Variants in PTGS1 observed in about 807,000 individuals in gnomAD.
PTGS1 encodes the protein prostaglandin G/H synthase 1.
Under a neutral mutation model 63.0 loss-of-function variants are expected in PTGS1, and 40 were observed. The observed-to-expected ratio is 0.63, with a 90% CI of 0.49 to 0.83. The LOEUF (loss-of-function observed/expected upper bound fraction) is 0.83, where lower values mean the gene tolerates loss of function less well. PTGS1 is among the 40% of genes least tolerant of loss of function. The probability of loss-of-function intolerance (pLI) is 0.00; values close to 1 mark genes in which losing one functional copy is unlikely to be tolerated. For missense variants in PTGS1, 709 were observed against 786.5 expected (o/e 0.90, Z 1.18); for synonymous variants, 298 against 301.9 (o/e 0.99, Z 0.13).
rs1214231960 is a variant in PTGS1 at position 122,394,029 on chromosome 9, G to A, written c.*1485G>A. On this transcript the variant is annotated 3_prime_UTR_variant, in exon 11 of 11. Transcript: ENST00000362012. ...CTCACACTCCAGTGGCAGACAAACA[G>A]ACCATAAATAAGGAAACGATGAAAT... is the stretch of plus-strand genomic sequence containing the variant. 6.6e-6 allele frequency: 1 copy of A among 152,280 alleles called. No individual in the cohort carries two copies. The allele number at this position is 152,280 out of a possible 1,614,324, so 9.4% of individuals were successfully genotyped here.
In PTGS1 at chr9:122,392,763, G is replaced by A; in HGVS notation, c.*219G>A. The stretch of plus-strand genomic sequence containing the variant: ...TCCTTGTTAGCCCTTCAGATTGTTA[G>A]GAGTGGTTCTCATTTGGTCTGCCAG... On this transcript the variant is annotated 3_prime_UTR_variant, in exon 11 of 11. Coordinates refer to ENST00000362012, the MANE Select transcript of PTGS1 (RefSeq NM_000962.4). 1 of 502,172 alleles carries A rather than the reference G, an allele frequency of 2.0e-6. No homozygotes were observed. Among genetic ancestry groups the A allele is most frequent in the South Asian group, 3.8e-5 (1 of 26,014 alleles). The allele number at this position is 502,172 out of a possible 1,614,324, so 31.1% of individuals were successfully genotyped here. A position where few individuals can be genotyped will look rare whatever the true frequency, so the allele number is the denominator to read the frequency against.
At chr9:122,380,209 A>G (rs1053686521) in intron 5 of PTGS1, among the ~76,000 whole-genome samples, 12 of 152,016 alleles carry the variant, frequency 7.9e-5, no homozygotes, top group African/African-American at 2.9e-4. Context: ...CACGTCTGTA[A>G]TCCCAGCACT....
chr9:122,381,129 T>C (rs934395836), intron 5 of PTGS1, among the ~76,000 whole-genome samples: 1 of 152,238 alleles, frequency 6.6e-6, no homozygotes, highest in Non-Finnish European at 1.5e-5. Context: ...TTTTATAAAG[T>C]ATTTTAAATC....
chr9:122,378,721 G>A, intron 4 of PTGS1, 54 bp from the exon 5 acceptor site: 1 of 1,609,344 alleles, frequency 6.2e-7, no homozygotes, highest in Non-Finnish European at 8.5e-7. Context: ...GCAAGAACTG[G>A]GATGGAGCTG....
Position 122,390,201 on chromosome 9 carries a change from G to A in PTGS1, c.1300G>A (p.Gly434Ser), listed in dbSNP as rs143030223. Reference protein sequence around the residue: ...AFSRQIAGRIGGGRNMDHHIL... With the variant: ...AFSRQIAGRISGGRNMDHHIL... ...TGCTGTGCTTCTCTCTCGGCAGATCGGTGGGGGCAGGAACATGGACCACCA... is the reference window on the plus strand; with the variant it reads ...TGCTGTGCTTCTCTCTCGGCAGATCAGTGGGGGCAGGAACATGGACCACCA... Residue 434 changes from glycine (G) to serine (S), a missense_variant, in exon 10 of 11, where the codon GGT becomes AGT. Gly to Ser is a moderately conservative substitution (Grantham distance 56, BLOSUM62 0). Transcript: ENST00000362012. 1.6e-4 allele frequency: 263 copies of A among 1,613,632 alleles called. No homozygotes were observed. The highest frequency in any genetic ancestry group is 1.9e-4 in the Non-Finnish European group (224 of 1,179,748).
intron 2 of PTGS1, among the ~76,000 whole-genome samples, chr9:122,374,095 C>T (rs1836968744): frequency 6.6e-6 from 1 of 152,104 alleles, no homozygotes; most frequent in Non-Finnish European, 1.5e-5. Context: ...GTCCTGGAAC[C>T]AGGCAGTTCT....
chr9:122,382,907 G>A (rs963937775), intron 7 of PTGS1, among the ~76,000 whole-genome samples: 5 of 152,210 alleles, frequency 3.3e-5, no homozygotes, highest in Non-Finnish European at 5.9e-5. Flanking sequence ...GTTGCATAAA[G>A]GATGAGGAGG....
Position 122,388,975 on chromosome 9 carries a change from GCCCCACAGC to G in PTGS1, c.1297-1222_1297-1214del, listed in dbSNP as rs1419893958. On this transcript the variant is annotated intron_variant, in intron 9 of 10. Coordinates refer to ENST00000362012, the MANE Select transcript of PTGS1 (RefSeq NM_000962.4). ...AGGGAACACAATTCAACCCTCAACA[GCCCCACAGC>G]TTGTAAAGCTGTAATTGGCACCATC... Among the ~76,000 whole-genome samples, 6 of 152,122 alleles carry G rather than the reference GCCCCACAGC, an allele frequency of 3.9e-5. No individual in the cohort carries two copies. The East Asian group carries it at 1.2e-3, about 29-fold the overall frequency.
rs1837882374 is a variant in PTGS1 at position 122,386,494 on chromosome 9, G to T, written c.1058G>T (p.Gly353Val). The T allele has an allele frequency of 3.1e-6, 5 of 1,614,066 alleles. No homozygotes were observed. Among genetic ancestry groups the T allele is most frequent in the Non-Finnish European group, 4.2e-6 (5 of 1,180,038 alleles). Residue 353 changes from glycine (G) to valine (V), a missense_variant, in exon 9 of 11, where the codon GGC becomes GTC. Physicochemically the swap from Gly to Val is moderately radical, Grantham distance 109. Coordinates refer to ENST00000362012, the MANE Select transcript of PTGS1 (RefSeq NM_000962.4). ...VIEEYVQQLS[G>V]YFLQLKFDPE... The stretch of plus-strand genomic sequence containing the variant: ...GAGGAGTACGTGCAGCAGCTGAGTG[G>T]CTATTTCCTGCAGCTGAAATTTGAC...
chr9:122,377,917 A>G lies in PTGS1; in HGVS notation c.113A>G (p.Tyr38Cys). Residue 38 changes from tyrosine (Y) to cysteine (C), a missense_variant, in exon 3 of 11, where the codon TAT (tyrosine) becomes TGT (cysteine). By Grantham distance (194) the Tyr-to-Cys change is radical. Transcript: ENST00000362012. Reference protein sequence around the residue: ...APTPVNPCCYYPCQHQGICVR... With the variant: ...APTPVNPCCYCPCQHQGICVR... Reference sequence around the variant, plus strand: ...CCCACAGTGAATCCCTGTTGTTACTATCCATGCCAGCACCAGGGCATCTGT... The same window carrying G: ...CCCACAGTGAATCCCTGTTGTTACTGTCCATGCCAGCACCAGGGCATCTGT... 6.8e-6 allele frequency: 11 copies of G among 1,614,028 alleles called. No individual in the cohort carries two copies. The highest frequency in any genetic ancestry group is 2.2e-5 in the East Asian group (1 of 44,860).
rs1407184368 is a variant in PTGS1 at position 122,381,491 on chromosome 9, A to G, written c.617A>G (p.His206Arg). 6.2e-7 allele frequency: 1 copy of G among 1,614,098 alleles called. No homozygotes were observed. Residue 206 changes from histidine (H) to arginine (R), a missense_variant, in exon 6 of 11, where the codon CAC becomes CGC. Coordinates refer to ENST00000362012, the MANE Select transcript of PTGS1 (RefSeq NM_000962.4). Reference protein sequence around the residue: ...MFAFFAQHFTHQFFKTSGKMG... With the variant: ...MFAFFAQHFTRQFFKTSGKMG... ...GCCTTCTTTGCACAACACTTCACCC[A>G]CCAGTTCTTCAAAACTTCTGGCAAG...
chr9:122,387,797 T>C (rs777867417), intron 9 of PTGS1, among the ~76,000 whole-genome samples: 1 of 152,240 alleles, frequency 6.6e-6, no homozygotes, highest in Non-Finnish European at 1.5e-5. Flanking sequence ...AGCCAACGCC[T>C]TCCTCAATCT....
intron 3 of PTGS1, 38 bp downstream of exon 3, chr9:122,378,053 A>G: frequency 6.4e-7 from 1 of 1,569,188 alleles, no homozygotes; most frequent in South Asian, 1.1e-5. Context: ...TTCCGTCTTG[A>G]GCCCTTCTGC....
intron 2 of PTGS1, chr9:122,371,542 C>T: frequency 7.2e-7 from 1 of 1,385,906 alleles, no homozygotes; most frequent in Non-Finnish European, 9.5e-7. Context: ...CCCTATCCAT[C>T]CCCCTCACCT....
At chr9:122,390,459 A>G in intron 10 of PTGS1, 114 bp downstream of exon 10, 2 of 1,238,242 alleles carry the variant, frequency 1.6e-6, no homozygotes, top group South Asian at 1.5e-5. Flanking sequence ...TAACAACCAG[A>G]CTTATAATGG....
chr9:122,378,054 G>GC, intron 3 of PTGS1, 39 bp downstream of exon 3: 1 of 1,564,802 alleles, frequency 6.4e-7, no homozygotes, highest in Middle Eastern at 1.7e-4. Flanking sequence ...TCCGTCTTGA[G>GC]CCCTTCTGCT....
Position 122,390,203 on chromosome 9 carries a change from T to A in PTGS1, c.1302T>A (p.Gly434=). 6.2e-7 allele frequency: 1 copy of A among 1,613,384 alleles called. No homozygotes were observed. The highest frequency in any genetic ancestry group is 8.5e-7 in the Non-Finnish European group (1 of 1,179,668). Residue 434 remains glycine, a synonymous_variant, in exon 10 of 11, where the codon GGT becomes GGA. Coordinates refer to ENST00000362012, the MANE Select transcript of PTGS1 (RefSeq NM_000962.4). The stretch of plus-strand genomic sequence containing the variant: ...CTGTGCTTCTCTCTCGGCAGATCGG[T>A]GGGGGCAGGAACATGGACCACCACA... The part of the protein sequence containing the change: ...AFSRQIAGRI[G]GGRNMDHHIL...
chr9:122,381,541 T>G lies in PTGS1; in HGVS notation c.667T>G (p.Leu223Val). 6.2e-7 allele frequency: 1 copy of G among 1,614,204 alleles called. No homozygotes were observed. The highest frequency in any genetic ancestry group is 8.5e-7 in the Non-Finnish European group (1 of 1,180,024). ...GKMGPGFTKA[L>V]GHGVDLGHIY... is the part of the protein sequence containing the mutation. ...GATGGGTCCTGGCTTCACCAAGGCC[T>G]TGGGCCATGGGGTGAGTACCTAGGA... The change falls in exon 6 of 11, where the codon TTG becomes GTG. Residue 223 changes from leucine (L) to valine (V), a missense_variant. Coordinates refer to ENST00000362012, the MANE Select transcript of PTGS1 (RefSeq NM_000962.4).
intron 2 of PTGS1, 101 bp downstream of exon 2, chr9:122,371,373 C>T: frequency 6.4e-7 from 1 of 1,553,482 alleles, no homozygotes; most frequent in Non-Finnish European, 8.7e-7. Context: ...CTTCCCCTTT[C>T]TGCTCGCGGT....
Sources: gnomAD v4.1 joint callset for allele counts (sites outside exome capture counted in the v4.1 genomes callset) on GRCh38, gnomAD v4.1.1 for gene constraint, MANE v1.5 for transcripts, NCBI Gene and HGNC (gene_info 2026-07-23, HGNC 2026-07-21) for gene names.